TPST2: variants seen among roughly 807,000 people sequenced by gnomAD.
TPST2 encodes tyrosylprotein sulfotransferase 2, also known as protein-tyrosine sulfotransferase 2.
In TPST2, 16 loss-of-function variants were observed where a neutral mutation model predicts 27.8. The observed-to-expected ratio is 0.58, with a 90% CI of 0.39 to 0.88. The LOEUF (loss-of-function observed/expected upper bound fraction) is 0.88, where lower values mean the gene tolerates loss of function less well. TPST2 is among the 40% of genes least tolerant of loss of function. The pLI, the probability that TPST2 is intolerant of heterozygous loss-of-function variation, is 0.00. For synonymous variants in TPST2, 229 were observed against 231.7 expected, an observed-to-expected ratio of 0.99 and a Z score of 0.10; for missense variants, 464 against 543.1, an observed-to-expected ratio of 0.85 and a Z score of 1.45.
rs1042002965 is a variant in TPST2 at position 26,523,788 on chromosome 22, G to C, written c.*2487C>G. On this transcript the variant is annotated 3_prime_UTR_variant, in exon 7 of 7. Coordinates refer to ENST00000338754, the MANE Select transcript of TPST2 (RefSeq NM_003595.5). The stretch of plus-strand genomic sequence containing the variant: ...TTAGTAGATGGGGTTTCGCCACGTT[G>C]GCCAGGCTGGTCTGGAACTCCTGAC... 1.3e-5 allele frequency: 2 copies of C among 152,140 alleles called. No homozygotes were observed. Among genetic ancestry groups the C allele is most frequent in the Non-Finnish European group, 2.9e-5 (2 of 68,042 alleles). The allele number at this position is 152,140 out of a possible 1,614,324, so 9.4% of individuals were successfully genotyped here.
chr22:26,550,313 T>C (rs916421556), intron 1 of TPST2, among the ~76,000 whole-genome samples: 2 of 152,104 alleles, frequency 1.3e-5, no homozygotes, highest in African/African-American at 4.8e-5. Flanking sequence ...GAAACCAGTA[T>C]GTGAGACAAT....
At chr22:26,562,041 A>G (rs1927128030) in intron 1 of TPST2, among the ~76,000 whole-genome samples, 1 of 150,714 alleles carries the variant, frequency 6.6e-6, no homozygotes, top group South Asian at 2.1e-4. Flanking sequence ...GGGCTGGTGA[A>G]CACCAAGCAG....
chr22:26,578,570 G>C (rs1927955858), intron 1 of TPST2, among the ~76,000 whole-genome samples: 1 of 152,184 alleles, frequency 6.6e-6, no homozygotes, highest in Non-Finnish European at 1.5e-5. Context: ...AGAGAAGGAA[G>C]ATTTTGCCCA....
intron 1 of TPST2, among the ~76,000 whole-genome samples, chr22:26,585,817 G>A (rs761168741): frequency 2.6e-5 from 4 of 152,108 alleles, no homozygotes; most frequent in Non-Finnish European, 5.9e-5. Flanking sequence ...TTGAGAGGCC[G>A]AGGCGGGCGG....
rs1924644167 is a variant in TPST2 at position 26,523,104 on chromosome 22, CTG to C, written c.*3169_*3170del. The stretch of plus-strand genomic sequence containing the variant: ...TGCAGGAGTTAGAGGTTGCAGTGAG[CTG>C]TGTTTGCAGGAGTTAGAGGTTGCAG... On this transcript the variant is annotated 3_prime_UTR_variant, in exon 7 of 7. Coordinates refer to ENST00000338754, the MANE Select transcript of TPST2 (RefSeq NM_003595.5). 1 of 151,570 alleles carries C rather than the reference CTG, an allele frequency of 6.6e-6. No homozygotes were observed. The highest frequency in any genetic ancestry group is 2.4e-5 in the African/African-American group (1 of 41,142). 9.4% of individuals were successfully genotyped at this position (151,570 alleles called of 1,614,324 possible). A position where few individuals can be genotyped will look rare whatever the true frequency, so the allele number is the denominator to read the frequency against.
chr22:26,561,604 A>AT (rs1259537802), intron 1 of TPST2, among the ~76,000 whole-genome samples: 1 of 152,090 alleles, frequency 6.6e-6, no homozygotes, highest in African/African-American at 2.4e-5. Context: ...AGTAAATACA[A>AT]TTTTTTTATT....
intron 1 of TPST2, among the ~76,000 whole-genome samples, chr22:26,583,514 T>C (rs931408905): frequency 1.4e-5 from 2 of 139,390 alleles, no homozygotes; most frequent in Admixed American, 1.5e-4. Flanking sequence ...CAACCTCCAA[T>C]ATCCTAGAAA....
At chr22:26,536,218 G>A (rs752890010) in intron 4 of TPST2, 70 bp downstream of exon 4, 1 of 1,555,620 alleles carries the variant, frequency 6.4e-7, no homozygotes, top group Non-Finnish European at 8.8e-7. Flanking sequence ...TCAGGTGGCT[G>A]GAGTTTCCAC....
chr22:26,542,629 G>T (rs1925926170), intron 2 of TPST2, among the ~76,000 whole-genome samples: 1 of 152,204 alleles, frequency 6.6e-6, no homozygotes, highest in Non-Finnish European at 1.5e-5. Flanking sequence ...TACCTGCGTA[G>T]GTGAGGGAAG....
chr22:26,552,983 C>T, intron 1 of TPST2, among the ~76,000 whole-genome samples: 1 of 150,120 alleles, frequency 6.7e-6, no homozygotes, highest in Non-Finnish European at 1.5e-5. Context: ...CTGCTTGAAC[C>T]CGGGAGGCGG....
Position 26,541,504 on chromosome 22 carries a change from C to G in TPST2, c.127G>C (p.Gly43Arg). ...TCCTCCTGCTCAGGCCGCATGGCCC[C>G]CCGGGGGCTCCGCAGGCCCGCCAGC... ...AVLAGLRSPRGAMRPEQEELV... is the reference protein window; with the variant it reads ...AVLAGLRSPRRAMRPEQEELV... Residue 43 changes from glycine to arginine, a missense_variant, in exon 3 of 7, where the codon GGG becomes CGG. Coordinates refer to ENST00000338754, the MANE Select transcript of TPST2 (RefSeq NM_003595.5). This position sits in a 1 kb window ranked among gnomAD's most constrained non-coding sequence, Gnocchi z 5.9. 6.2e-7 allele frequency: 1 copy of G among 1,611,968 alleles called. No homozygotes were observed. Among genetic ancestry groups the G allele is most frequent in the Non-Finnish European group, 8.5e-7 (1 of 1,179,054 alleles).
At chr22:26,564,608 G>A (rs1927293338) in intron 1 of TPST2, among the ~76,000 whole-genome samples, 1 of 152,286 alleles carries the variant, frequency 6.6e-6, no homozygotes, top group Non-Finnish European at 1.5e-5. Flanking sequence ...ACTGCAGAAG[G>A]CTGCAGTGAA....
intron 1 of TPST2, among the ~76,000 whole-genome samples, chr22:26,577,011 G>A (rs1927866144): frequency 1.3e-5 from 2 of 151,280 alleles, no homozygotes; most frequent in Admixed American, 1.3e-4. Flanking sequence ...CAGGAGAATG[G>A]TGTGAACCCG....
chr22:26,527,069 ACT>A (rs1054224489), intron 6 of TPST2, among the ~76,000 whole-genome samples: 8 of 152,154 alleles, frequency 5.3e-5, no homozygotes, highest in African/African-American at 1.9e-4. Context: ...ACAGGGTGAG[ACT>A]CTGTCTCAAA....
chr22:26,583,391 C>A (rs111842428), intron 1 of TPST2, among the ~76,000 whole-genome samples: 70 of 137,406 alleles, frequency 5.1e-4, no homozygotes, highest in African/African-American at 1.8e-3. Context: ...GAGCCAAGAT[C>A]ATACCACTGC....
At position 26,541,111 on chromosome 22, in the gene TPST2, G is replaced by A; in HGVS notation, c.520C>T (p.Pro174Ser). Reference sequence around the variant, plus strand: ...ACCATCAGCAGGAACTTGGAGTTGGGGAACAGGCGCGACAGGTAGACCGAG... The same window carrying A: ...ACCATCAGCAGGAACTTGGAGTTGGAGAACAGGCGCGACAGGTAGACCGAG... ...KSSVYLSRLF[P>S]NSKFLLMVRD... Residue 174 changes from proline (P) to serine (S), a missense_variant, in exon 3 of 7, where the codon CCC becomes TCC. Coordinates refer to ENST00000338754, the MANE Select transcript of TPST2 (RefSeq NM_003595.5). The surrounding 1 kb of genome is among the most constrained non-coding windows in gnomAD (Gnocchi z 5.9). 1.9e-6 allele frequency: 3 copies of A among 1,607,734 alleles called. No individual in the cohort carries two copies. The highest frequency in any genetic ancestry group is 2.6e-6 in the Non-Finnish European group (3 of 1,175,302).
At chr22:26,575,830 C>T (rs1224587025) in intron 1 of TPST2, among the ~76,000 whole-genome samples, 1 of 151,960 alleles carries the variant, frequency 6.6e-6, no homozygotes, top group South Asian at 2.1e-4. Flanking sequence ...CCCGTATCTA[C>T]TAAAAATACA....
intron 1 of TPST2, among the ~76,000 whole-genome samples, chr22:26,576,376 T>C (rs5761611): frequency 0.11 from 16,044 of 152,106 alleles, 1,313 homozygotes; most frequent in East Asian, 0.28. Flanking sequence ...GCACAGGAGA[T>C]TGACACCCAA....
chr22:26,567,243 C>A (rs1324822415), intron 1 of TPST2, among the ~76,000 whole-genome samples: 1 of 152,238 alleles, frequency 6.6e-6, no homozygotes, highest in Admixed American at 6.5e-5. Flanking sequence ...GGAAGCTTTC[C>A]ACAATGCCTT....
Sources: allele counts gnomAD v4.1 joint callset (sites outside exome capture counted in the v4.1 genomes callset), GRCh38; gene constraint gnomAD v4.1.1; non-coding constraint Gnocchi (gnomAD v3.1); transcripts MANE v1.5; gene names NCBI Gene and HGNC (gene_info 2026-07-23, HGNC 2026-07-21).